The following CEP89 variants were observed in gnomAD, a reference collection of about 807,000 sequenced individuals.
CEP89 encodes centrosomal protein of 89 kDa.
A neutral mutation model predicts 97.6 loss-of-function variants in CEP89; 95 were observed. The observed-to-expected ratio is 0.97, with a 90% CI of 0.82 to 1.15. The LOEUF is 1.15. Ranked by LOEUF, CEP89 falls within the 50% of genes most tolerant of loss-of-function variation. CEP89 has a pLI of 0.00. For synonymous variants in CEP89, 354 were observed against 349.1 expected, an observed-to-expected ratio of 1.01 and a Z score of -0.16; for missense variants, 869 against 947.7, an observed-to-expected ratio of 0.92 and a Z score of 1.09.
Position 32,887,747 on chromosome 19 carries a change from C to T in CEP89, c.1965+5G>A. On this transcript the variant is annotated splice_donor_5th_base_variant and intron_variant, in intron 17 of 18. Coordinates refer to ENST00000305768, the MANE Select transcript of CEP89 (RefSeq NM_032816.5). ...TGAAATCTCTGAGGCCAAATAACCACTTACCTTGACTTTTTCCTCTAACTT... is the reference window on the plus strand; with the variant it reads ...TGAAATCTCTGAGGCCAAATAACCATTTACCTTGACTTTTTCCTCTAACTT... The T allele has an allele frequency of 6.3e-7, 1 of 1,588,860 alleles. No homozygotes were observed. Among genetic ancestry groups the T allele is most frequent in the Non-Finnish European group, 8.6e-7 (1 of 1,157,054 alleles).
chr19:32,932,931 CAA>C (rs1181539651), intron 8 of CEP89, among the ~76,000 whole-genome samples: 3 of 151,826 alleles, frequency 2.0e-5, no homozygotes, highest in Non-Finnish European at 4.4e-5. Flanking sequence ...ACCTAGGTGA[CAA>C]GAGTGGGATG....
At chr19:32,883,709 T>C (rs1259786955) in intron 17 of CEP89, among the ~76,000 whole-genome samples, 1 of 152,130 alleles carries the variant, frequency 6.6e-6, no homozygotes, top group Non-Finnish European at 1.5e-5. Flanking sequence ...GCCTACATTA[T>C]TTCTACTTTA....
At chr19:32,965,686 A>AC (rs1280306359) in intron 2 of CEP89, among the ~76,000 whole-genome samples, 10 of 149,282 alleles carry the variant, frequency 6.7e-5, no homozygotes, top group Middle Eastern at 3.5e-3. Context: ...ACAGAGCAAG[A>AC]TCTTGCCTTG....
chr19:32,878,982 A>G lies in CEP89; in HGVS notation c.*180T>C. The G allele has an allele frequency of 2.1e-6, 1 of 469,008 alleles. No homozygotes were observed. The highest frequency in any genetic ancestry group is 3.2e-5 in the East Asian group (1 of 30,872). The allele number at this position is 469,008 out of a possible 1,614,324, so 29.1% of individuals were successfully genotyped here. ...AGCTCTAAAAAAAAAAAAAAATTAAAAAATAAAGCAAAATGTTATCAATGG... is the reference window on the plus strand; with the variant it reads ...AGCTCTAAAAAAAAAAAAAAATTAAGAAATAAAGCAAAATGTTATCAATGG... On this transcript the variant is annotated 3_prime_UTR_variant, in exon 19 of 19. Coordinates refer to ENST00000305768, the MANE Select transcript of CEP89 (RefSeq NM_032816.5).
Position 32,881,902 on chromosome 19 carries a change from G to A in CEP89, c.2077C>T (p.Leu693=). ...TGCTTGTCCTTCAGCACCTGGTGCAGGTGCCGCATCTCCTGCCGGTACTGG... is the reference window on the plus strand; with the variant it reads ...TGCTTGTCCTTCAGCACCTGGTGCAAGTGCCGCATCTCCTGCCGGTACTGG... ...TAQYRQEMRH[L]HQVLKDKQEV... Residue 693 remains leucine, a synonymous_variant, in exon 18 of 19, where the codon CTG becomes TTG. Transcript: ENST00000305768. 2 of 1,606,576 alleles carry A rather than the reference G, an allele frequency of 1.2e-6. No individual in the cohort carries two copies.
At chr19:32,943,109 T>C (rs963798046) in intron 5 of CEP89, among the ~76,000 whole-genome samples, 17 of 152,336 alleles carry the variant, frequency 1.1e-4, no homozygotes, top group African/African-American at 4.1e-4. Context: ...GTGATCTTCC[T>C]GCCTCAGCCT....
intron 16 of CEP89, among the ~76,000 whole-genome samples, chr19:32,899,571 T>C (rs1555788900): frequency 6.6e-6 from 1 of 152,202 alleles, no homozygotes; most frequent in Non-Finnish European, 1.5e-5. Context: ...GTTCCCAACT[T>C]ATGATGGTTC....
At chr19:32,969,381 C>T (rs1971351416) in intron 1 of CEP89, 1 of 152,282 alleles carries the variant, frequency 6.6e-6, no homozygotes, top group Non-Finnish European at 1.5e-5. Flanking sequence ...CCACTCTGGT[C>T]AGAGGGACTG....
rs2145911034 is a variant in CEP89, at chr19:32,918,292, A to G, written c.1316T>C (p.Leu439Ser). The stretch of plus-strand genomic sequence containing the variant: ...CTGAATCTCCAACTGCTCCAGCAAC[A>G]ACTTGTTTTCCTCTAAAACCAGTTT... ...QAKLVLEENK[L>S]LLEQLEIQQR... The change falls in exon 13 of 19, where the codon TTG becomes TCG. Residue 439 changes from leucine to serine, a missense_variant. Transcript: ENST00000305768. The G allele has an allele frequency of 6.2e-7, 1 of 1,614,150 alleles. No individual in the cohort carries two copies. The highest frequency in any genetic ancestry group is 8.5e-7 in the Non-Finnish European group (1 of 1,180,030).
intron 1 of CEP89, chr19:32,970,549 T>C (rs1971379099): frequency 6.6e-6 from 1 of 151,998 alleles, no homozygotes; most frequent in East Asian, 1.9e-4. Context: ...CAGGCTGGAG[T>C]GCAGTGGCAC....
rs377495707 is a variant in CEP89, at chr19:32,966,357, C to T, written c.146+3G>A. ...CCTCAGTGCCTGCTCATCTGATACTCACCTTGGTCTCTCTGGAGATGGGTT... is the reference window on the plus strand; with the variant it reads ...CCTCAGTGCCTGCTCATCTGATACTTACCTTGGTCTCTCTGGAGATGGGTT... On this transcript the variant is annotated splice_donor_region_variant and intron_variant, in intron 2 of 18. Transcript: ENST00000305768. The T allele has an allele frequency of 6.6e-7, 1 of 1,516,254 alleles. No individual in the cohort carries two copies. The allele number at this position is 1,516,254 out of a possible 1,614,324, so 93.9% of individuals were successfully genotyped here.
intron 3 of CEP89, 68 bp from the exon 4 acceptor site, chr19:32,953,869 T>A (rs1247915163): frequency 4.1e-4 from 35 of 86,176 alleles, no homozygotes; most frequent in South Asian, 5.3e-4. Flanking sequence ...ATAAATATCT[T>A]TTTTTTTTTT....
At chr19:32,928,829 G>T (rs1033513401) in intron 9 of CEP89, among the ~76,000 whole-genome samples, 1 of 151,898 alleles carries the variant, frequency 6.6e-6, no homozygotes, top group Non-Finnish European at 1.5e-5. Context: ...CTCAGGGAAG[G>T]GCTCAGCTCA....
At chr19:32,953,538 C>G (rs1970970114) in intron 4 of CEP89, 77 bp downstream of exon 4, 1 of 1,167,246 alleles carries the variant, frequency 8.6e-7, no homozygotes, top group African/African-American at 1.5e-5. Context: ...GAGAAGAAAT[C>G]CTTAGCAATG....
chr19:32,900,436 T>C (rs765185155), intron 15 of CEP89, among the ~76,000 whole-genome samples: 3 of 151,702 alleles, frequency 2.0e-5, no homozygotes, highest in Non-Finnish European at 4.4e-5. Flanking sequence ...TACATATATA[T>C]ATTTTTTTAA....
At position 32,905,863 on chromosome 19, in the gene CEP89, C is replaced by T. The variant is rs375313896; in HGVS notation, c.1566-4451G>A. On this transcript the variant is annotated intron_variant, in intron 14 of 18. Coordinates refer to ENST00000305768, the MANE Select transcript of CEP89 (RefSeq NM_032816.5). ...CCTCCTGATTAGCTGGGATTACAGA[C>T]GGTAAGCCATCACACCCAGTTAGTT... Among the ~76,000 whole-genome samples the T allele has an allele frequency of 1.1e-3, 169 of 152,218 alleles. 3 individuals are homozygous for T. Among genetic ancestry groups the T allele is most frequent in the African/African-American group, 3.8e-3 (159 of 41,550 alleles).
At chr19:32,902,368 A>T (rs1969799286) in intron 14 of CEP89, among the ~76,000 whole-genome samples, 2 of 152,192 alleles carry the variant, frequency 1.3e-5, no homozygotes, top group South Asian at 4.1e-4. Context: ...AAAATCCAAG[A>T]TTCATTTATT....
rs369368834 is a variant in CEP89, at chr19:32,931,424, G to A, written c.1029+5C>T. 51 of 1,561,732 alleles carry A rather than the reference G, an allele frequency of 3.3e-5. No homozygotes were observed. The highest frequency in any genetic ancestry group is 1.1e-4 in the Admixed American group (5 of 44,544). On this transcript the variant is annotated splice_donor_5th_base_variant and intron_variant, in intron 9 of 18. Coordinates refer to ENST00000305768, the MANE Select transcript of CEP89 (RefSeq NM_032816.5). Reference sequence around the variant, plus strand: ...AAAGCTGATTTTCACAATCGGAAACGTTACCTCTTCCTTGGACAAATGCCT... The same window carrying A: ...AAAGCTGATTTTCACAATCGGAAACATTACCTCTTCCTTGGACAAATGCCT...
chr19:32,903,504 G>A (rs1208004078), intron 14 of CEP89, among the ~76,000 whole-genome samples: 1 of 152,210 alleles, frequency 6.6e-6, no homozygotes, highest in Non-Finnish European at 1.5e-5. Flanking sequence ...ATAGCATGCT[G>A]GGGACAGAGA....
Sources: allele counts gnomAD v4.1 joint callset (sites outside exome capture counted in the v4.1 genomes callset), GRCh38; gene constraint gnomAD v4.1.1; transcripts MANE v1.5; gene names NCBI Gene and HGNC (gene_info 2026-07-23, HGNC 2026-07-21).